Variants in SNRPA observed in about 807,000 individuals in gnomAD.
SNRPA encodes U1 small nuclear ribonucleoprotein A.
Under a neutral mutation model 24.5 loss-of-function variants are expected in SNRPA, and 10 were observed. That is an observed-to-expected ratio of 0.41 (90% CI 0.25 to 0.69). The LOEUF (loss-of-function observed/expected upper bound fraction) is 0.69. SNRPA is among the 30% of genes least tolerant of loss of function. The probability of loss-of-function intolerance (pLI) is 0.33; values close to 1 mark genes in which losing one functional copy is unlikely to be tolerated. For missense variants in SNRPA, 283 were observed against 394.7 expected (o/e 0.72, Z 2.40); for synonymous variants, 165 against 148.4 (o/e 1.11, Z -0.81).
chr19:40,755,257 C>CTTTTTTTTTTTTTTTTTTTTTTTTTT (rs1004235207), intron 1 of SNRPA, among the ~76,000 whole-genome samples: 2 of 82,612 alleles, frequency 2.4e-5, no homozygotes, highest in African/African-American at 1.0e-4. Flanking sequence ...TTTTTCTTTT[C>CTTTTTTTTTTTTTTTTTTTTTTTTTT]TTTTTTTTTT....
At chr19:40,752,332 C>T (rs1006667596) in intron 1 of SNRPA, among the ~76,000 whole-genome samples, 2 of 150,454 alleles carry the variant, frequency 1.3e-5, no homozygotes, top group African/African-American at 2.4e-5. Context: ...AGCGAAACTC[C>T]GTCTCAAAAA....
intron 3 of SNRPA, among the ~76,000 whole-genome samples, chr19:40,761,308 C>G (rs1341741049): frequency 1.3e-5 from 2 of 151,926 alleles, no homozygotes; most frequent in African/African-American, 4.8e-5. Flanking sequence ...TCCCCTAGTT[C>G]ATGATGCGGG....
intron 1 of SNRPA, among the ~76,000 whole-genome samples, chr19:40,756,455 G>T (rs912174449): frequency 6.6e-6 from 1 of 151,934 alleles, no homozygotes; most frequent in East Asian, 1.9e-4. Context: ...AATTAGCTGG[G>T]CATGGTGGCA....
At position 40,762,971 on chromosome 19, in the gene SNRPA, C is replaced by A; in HGVS notation, c.497C>A (p.Pro166His). 1.9e-6 allele frequency: 3 copies of A among 1,613,454 alleles called. No individual in the cohort carries two copies. In the Middle Eastern group the frequency reaches 5.0e-4, roughly 267 times the overall value. The change falls in exon 4 of 6, where the codon CCC becomes CAC. Residue 166 changes from proline (P) to histidine (H), a missense_variant. Physicochemically the swap from Pro to His is moderately conservative, Grantham distance 77. Coordinates refer to ENST00000243563, the MANE Select transcript of SNRPA (RefSeq NM_004596.5). ...CCGGGCCAGCCGCCCTACATGCCGC[C>A]CCCTGGTATGATCCCCCCGCCAGGC... ...HMPGQPPYMPPPGMIPPPGLA... is the reference protein window; with the variant it reads ...HMPGQPPYMPHPGMIPPPGLA...
intron 1 of SNRPA, among the ~76,000 whole-genome samples, chr19:40,752,087 C>CTGTA (rs1305971896): frequency 6.6e-6 from 1 of 150,916 alleles, no homozygotes; most frequent in Non-Finnish European, 1.5e-5. Flanking sequence ...TAATCAATCC[C>CTGTA]AGCACTTTGG....
chr19:40,763,874 G>A (rs967966340), intron 5 of SNRPA, among the ~76,000 whole-genome samples, 199 bp downstream of exon 5: 11 of 152,316 alleles, frequency 7.2e-5, no homozygotes, highest in Admixed American at 6.5e-4. Context: ...AGGCTGGAAA[G>A]GTCTCCATGG....
chr19:40,764,156 A>G (rs2082944872), intron 5 of SNRPA, among the ~76,000 whole-genome samples: 1 of 151,888 alleles, frequency 6.6e-6, no homozygotes, highest in Non-Finnish European at 1.5e-5. Flanking sequence ...ACCATTGTTG[A>G]GTGAAGTCGT....
intron 4 of SNRPA, 119 bp from the exon 5 acceptor site, chr19:40,763,468 T>C (rs1215244253): frequency 2.5e-6 from 2 of 812,412 alleles, no homozygotes; most frequent in Non-Finnish European, 2.2e-6. Flanking sequence ...ATGTGGTATG[T>C]TGGGTGGAAG....
intron 1 of SNRPA, among the ~76,000 whole-genome samples, chr19:40,754,102 T>TTG (rs1371685580): frequency 1.4e-5 from 2 of 141,582 alleles, no homozygotes; most frequent in African/African-American, 5.2e-5. Context: ...CGCCCGGCGT[T>TTG]TTTTTTTTTT....
At chr19:40,757,231 G>A (rs1019339261) in intron 1 of SNRPA, 101 bp from the exon 2 acceptor site, 13 of 1,147,092 alleles carry the variant, frequency 1.1e-5, no homozygotes, top group East Asian at 2.4e-5. Flanking sequence ...TTATGGACCC[G>A]AGGCATTCTG....
chr19:40,753,007 C>T (rs909689253), intron 1 of SNRPA, among the ~76,000 whole-genome samples: 2 of 152,090 alleles, frequency 1.3e-5, no homozygotes, highest in African/African-American at 4.8e-5. Context: ...TCGGGAGAAC[C>T]GAAGGAGCTT....
In SNRPA at chr19:40,762,983, TCCC is replaced by T; in HGVS notation, c.513_515del (p.Pro173del). 2 of 1,611,934 alleles carry T rather than the reference TCCC, an allele frequency of 1.2e-6. No homozygotes were observed. The highest frequency in any genetic ancestry group is 1.7e-6 in the Non-Finnish European group (2 of 1,178,744). ...CCCTACATGCCGCCCCCTGGTATGATCCCCCCGCCAGGCCTTGCACCTGGCCAG... is the reference window on the plus strand; with the variant it reads ...CCCTACATGCCGCCCCCTGGTATGATCCCGCCAGGCCTTGCACCTGGCCAG... On this transcript the variant is annotated inframe_deletion, in exon 4 of 6. Coordinates refer to ENST00000243563, the MANE Select transcript of SNRPA (RefSeq NM_004596.5).
intron 2 of SNRPA, among the ~76,000 whole-genome samples, chr19:40,757,800 G>A (rs887792813): frequency 1.1e-4 from 16 of 151,292 alleles, no homozygotes; most frequent in East Asian, 4.0e-4. Context: ...AAATTAGCTC[G>A]GTGTGGCAGC....
chr19:40,758,639 TC>T (rs1333864873), intron 2 of SNRPA: 2 of 152,196 alleles, frequency 1.3e-5, no homozygotes, highest in Non-Finnish European at 1.5e-5. Context: ...GTGGGAAGTA[TC>T]ATAATCCCCA....
intron 5 of SNRPA, 89 bp downstream of exon 5, chr19:40,763,764 A>G (rs745492209): frequency 2.2e-5 from 24 of 1,096,466 alleles, no homozygotes; most frequent in Admixed American, 6.8e-5. Flanking sequence ...CTGCCAGCAG[A>G]GCTCTGAGCC....
At chr19:40,756,000 G>A (rs893963838) in intron 1 of SNRPA, among the ~76,000 whole-genome samples, 1 of 152,114 alleles carries the variant, frequency 6.6e-6, no homozygotes, top group African/African-American at 2.4e-5. Context: ...ATGGGGGTGC[G>A]ATGACTCATG....
chr19:40,758,962 C>G (rs1287859977), intron 2 of SNRPA: 1 of 152,096 alleles, frequency 6.6e-6, no homozygotes, highest in African/African-American at 2.4e-5. Flanking sequence ...AATCCCAGCA[C>G]TTTCGGAGGC....
intron 1 of SNRPA, among the ~76,000 whole-genome samples, chr19:40,753,518 T>A (rs971944269): frequency 8.2e-5 from 11 of 134,436 alleles, no homozygotes; most frequent in Non-Finnish European, 1.7e-4. Flanking sequence ...TGCCTCAGCC[T>A]CCCGAGTAGC....
At chr19:40,763,780 G>T in intron 5 of SNRPA, 105 bp downstream of exon 5, 2 of 953,384 alleles carry the variant, frequency 2.1e-6, no homozygotes, top group South Asian at 1.3e-5. Context: ...GAGCCAAGTA[G>T]GGCTTTGCAG....
Sources: gnomAD v4.1 joint callset for allele counts (sites outside exome capture counted in the v4.1 genomes callset) on GRCh38, gnomAD v4.1.1 for gene constraint, MANE v1.5 for transcripts, NCBI Gene and HGNC (gene_info 2026-07-23, HGNC 2026-07-21) for gene names.